OPA3: variants seen among roughly 807,000 people sequenced by gnomAD.
The protein encoded by OPA3 is outer mitochondrial membrane lipid metabolism regulator OPA3, also known as optic atrophy 3 protein.
A neutral mutation model predicts 4.0 loss-of-function variants in OPA3; 6 were observed. The observed-to-expected ratio is 1.51, with a 90% CI of 0.83 to 2.99. The LOEUF (loss-of-function observed/expected upper bound fraction) is 2.99. Ranked by LOEUF, OPA3 falls within the 30% of genes most tolerant of loss-of-function variation. The probability of loss-of-function intolerance (pLI) is 0.00; values close to 1 mark genes in which losing one functional copy is unlikely to be tolerated. For synonymous variants in OPA3, 105 were observed against 117.1 expected (o/e 0.90, Z 0.67); for missense variants, 235 against 256.2 (o/e 0.92, Z 0.56).
rs1969317127 is a variant in OPA3, at chr19:45,550,550, A to G, written c.*2964T>C. On this transcript the variant is annotated 3_prime_UTR_variant, in exon 2 of 2. Coordinates refer to ENST00000263275, the MANE Select transcript of OPA3 (RefSeq NM_025136.4). The stretch of plus-strand genomic sequence containing the variant: ...GCAGCTGGGGTAATCCAAGCCTCTC[A>G]CTCTGCCCCTACTACTTCACCACCC... 1 of 986,076 alleles carries G rather than the reference A, an allele frequency of 1.0e-6. No homozygotes were observed. 61.1% of individuals were successfully genotyped at this position (986,076 alleles called of 1,614,324 possible).
chr19:45,545,186 ACAAAAAAT>A (rs797015265), downstream of OPA3, among the ~76,000 whole-genome samples: 36 of 149,098 alleles, frequency 2.4e-4, 1 homozygote, highest in East Asian at 5.9e-4. Context: ...AAACAAAAAA[ACAAAAAAT>A]AGGAAATCAA....
At chr19:45,556,132 G>C (rs1273116467) in intron 1 of OPA3, among the ~76,000 whole-genome samples, 3 of 152,128 alleles carry the variant, frequency 2.0e-5, no homozygotes, top group Non-Finnish European at 4.4e-5. Flanking sequence ...AAATGCACTA[G>C]AGGGCACACA....
chr19:45,556,393 G>A (rs545174929), intron 1 of OPA3, among the ~76,000 whole-genome samples: 25 of 151,938 alleles, frequency 1.6e-4, no homozygotes, highest in African/African-American at 6.0e-4. Flanking sequence ...CTCTCACTCT[G>A]TGGTCCAGGA....
At chr19:45,529,332 G>A (rs1423407642) in exon 2 of OPA3, 4 of 1,614,220 alleles carry the variant, frequency 2.5e-6, no homozygotes, top group Non-Finnish European at 3.4e-6. Flanking sequence ...CGGTGATGAA[G>A]ATGATGCCCT....
intron 1 of OPA3, among the ~76,000 whole-genome samples, chr19:45,572,443 T>C (rs1456039830): frequency 7.6e-6 from 1 of 131,326 alleles, no homozygotes; most frequent in Non-Finnish European, 1.6e-5. Context: ...TATATGTATA[T>C]CAATATATGA....
chr19:45,573,735 G>T (rs1038798466), intron 1 of OPA3, among the ~76,000 whole-genome samples: 7 of 152,158 alleles, frequency 4.6e-5, no homozygotes, highest in African/African-American at 1.7e-4. Context: ...GAACTATGAG[G>T]TTAAGTGCTA....
intron 1 of OPA3, among the ~76,000 whole-genome samples, chr19:45,578,308 G>T (rs897981536): frequency 1.3e-5 from 2 of 152,176 alleles, no homozygotes; most frequent in Non-Finnish European, 2.9e-5. Context: ...CTGCTCCTAA[G>T]ATCAGTGCTT....
Position 45,553,039 on chromosome 19 carries a change from G to A in OPA3, c.*475C>T, listed in dbSNP as rs1969359596. The A allele has an allele frequency of 9.8e-7, 1 of 1,025,130 alleles. No individual in the cohort carries two copies. Among genetic ancestry groups the A allele is most frequent in the Non-Finnish European group, 1.2e-6 (1 of 854,006 alleles). The allele number at this position is 1,025,130 out of a possible 1,614,324, so 63.5% of individuals were successfully genotyped here. On this transcript the variant is annotated 3_prime_UTR_variant, in exon 2 of 2. Coordinates refer to ENST00000263275, the MANE Select transcript of OPA3 (RefSeq NM_025136.4). ...AGCTAGAGCTGACCTTAGAAGGTGA[G>A]GGGGAGAAAAGGCCACTGCAACACA...
chr19:45,574,606 A>C (rs1212647803), intron 1 of OPA3, among the ~76,000 whole-genome samples: 2 of 152,052 alleles, frequency 1.3e-5, no homozygotes, highest in African/African-American at 4.8e-5. Flanking sequence ...TGCCTGCTCA[A>C]AGTCACATGG....
At chr19:45,570,023 G>T (rs1050751336) in intron 1 of OPA3, among the ~76,000 whole-genome samples, 4 of 152,184 alleles carry the variant, frequency 2.6e-5, no homozygotes, top group Non-Finnish European at 5.9e-5. Flanking sequence ...ATACACCGGG[G>T]TCAATGACCG....
At chr19:45,538,089 A>G (rs1221643156) in intron 1 of OPA3, among the ~76,000 whole-genome samples, 2 of 128,168 alleles carry the variant, frequency 1.6e-5, no homozygotes, top group African/African-American at 6.2e-5. Context: ...GGACAGAGCT[A>G]GGCTCCATAT....
intron 1 of OPA3, among the ~76,000 whole-genome samples, chr19:45,554,998 G>A (rs934802810): frequency 6.6e-6 from 1 of 152,096 alleles, no homozygotes; most frequent in African/African-American, 2.4e-5. Context: ...CACCACGTTG[G>A]CCAGGCTGGT....
chr19:45,549,383 CT>C lies in OPA3; in HGVS notation c.*4130del. ...CCTGTCAGGGCAGGGCAGGGCAGGG[CT>C]GAGTGCGAAGTCTCTGAGATGTGAG... On this transcript the variant is annotated 3_prime_UTR_variant, in exon 2 of 2. Coordinates refer to ENST00000263275, the MANE Select transcript of OPA3 (RefSeq NM_025136.4). 7 of 957,064 alleles carry C rather than the reference CT, an allele frequency of 7.3e-6. No homozygotes were observed. Among genetic ancestry groups the C allele is most frequent in the Non-Finnish European group, 8.7e-6 (7 of 807,514 alleles). The allele number at this position is 957,064 out of a possible 1,614,324, so 59.3% of individuals were successfully genotyped here.
chr19:45,580,880 T>C (rs958372897), intron 1 of OPA3, among the ~76,000 whole-genome samples: 6 of 152,014 alleles, frequency 3.9e-5, no homozygotes, highest in Non-Finnish European at 8.8e-5. Flanking sequence ...CCTTCCAAAG[T>C]GCTGGGATTA....
At chr19:45,577,361 G>A (rs2099903405) in intron 1 of OPA3, among the ~76,000 whole-genome samples, 1 of 152,238 alleles carries the variant, frequency 6.6e-6, no homozygotes, top group Non-Finnish European at 1.5e-5. Context: ...AGAGAAAGCA[G>A]GGCCGCCAGT....
At position 45,582,409 on chromosome 19, in the gene OPA3, C is replaced by A. The variant is rs1031102077; in HGVS notation, c.142+2214G>T. On this transcript the variant is annotated intron_variant, in intron 1 of 1. Transcript: ENST00000263275. ...TCCTGACCTCAGGTGCTCCACCCCC[C>A]TCAGCCTTCCAAAGTGCTAGGATTA... Among the ~76,000 whole-genome samples the A allele has an allele frequency of 2.0e-5, 3 of 152,276 alleles. No individual in the cohort carries two copies. The South Asian group carries it at 6.2e-4, about 32-fold the overall frequency.
At chr19:45,543,843 C>T (rs896870263), downstream of OPA3, among the ~76,000 whole-genome samples, 1 of 152,162 alleles carries the variant, frequency 6.6e-6, no homozygotes, top group South Asian at 2.1e-4. Context: ...GTTACAGCAT[C>T]GGCATCTCTA....
chr19:45,553,317 G>C lies in OPA3; in HGVS notation c.*197C>G. On this transcript the variant is annotated 3_prime_UTR_variant, in exon 2 of 2. Transcript: ENST00000263275. ...GATAGGAGGTGAAGGATGATGGAGG[G>C]GGCTATGTTGCAACGCTTCACCTGC... The C allele has an allele frequency of 3.4e-6, 5 of 1,462,062 alleles. No homozygotes were observed. The highest frequency in any genetic ancestry group is 4.5e-6 in the Non-Finnish European group (5 of 1,108,982). 90.6% of individuals were successfully genotyped at this position (1,462,062 alleles called of 1,614,324 possible).
At chr19:45,573,899 A>G (rs950628613) in intron 1 of OPA3, among the ~76,000 whole-genome samples, 1 of 152,216 alleles carries the variant, frequency 6.6e-6, no homozygotes, top group Non-Finnish European at 1.5e-5. Context: ...GCGGTGGCTC[A>G]CGCCTGTAAT....
Sources: allele counts gnomAD v4.1 joint callset (sites outside exome capture counted in the v4.1 genomes callset), GRCh38; gene constraint gnomAD v4.1.1; transcripts MANE v1.5; gene names NCBI Gene and HGNC (gene_info 2026-07-23, HGNC 2026-07-21).